ELMO2: variants seen among roughly 807,000 people sequenced by gnomAD.
ELMO2 encodes engulfment and cell motility protein 2.
In ELMO2, 37 loss-of-function variants were observed where a neutral mutation model predicts 96.2. The observed-to-expected ratio is 0.38, with a 90% confidence interval of 0.30 to 0.51. The LOEUF (loss-of-function observed/expected upper bound fraction) is 0.51, where lower values mean the gene tolerates loss of function less well. ELMO2 is among the 20% of genes least tolerant of loss of function. The pLI is 0.88. For missense variants in ELMO2, 561 were observed against 912.6 expected (o/e 0.61, Z 4.96); for synonymous variants, 315 against 329.4 (o/e 0.96, Z 0.47).
At chr20:46,380,581 C>T (rs191222438) in intron 10 of ELMO2, among the ~76,000 whole-genome samples, 21 of 152,310 alleles carry the variant, frequency 1.4e-4, no homozygotes, top group African/African-American at 5.1e-4. Context: ...GAGATGAGGA[C>T]TGCTTGAAGA....
intron 10 of ELMO2, chr20:46,382,309 G>A: frequency 7.8e-7 from 1 of 1,275,320 alleles, no homozygotes; most frequent in Non-Finnish European, 1.0e-6. Flanking sequence ...ATTCAAACAA[G>A]GACCGGGAAG....
intron 4 of ELMO2, 34 bp from the exon 5 acceptor site, chr20:46,393,635 C>T: frequency 6.2e-7 from 1 of 1,606,802 alleles, no homozygotes; most frequent in Non-Finnish European, 8.5e-7. Context: ...TCCCACTTGG[C>T]CACTCTCTTG....
At position 46,394,030 on chromosome 20, in the gene ELMO2, G is replaced by A. The variant is rs762659229; in HGVS notation, c.119+19C>T. 11 of 1,613,950 alleles carry A rather than the reference G, an allele frequency of 6.8e-6. No homozygotes were observed. Among genetic ancestry groups the A allele is most frequent in the Admixed American group, 6.7e-5 (4 of 59,998 alleles). On this transcript the variant is annotated intron_variant, in intron 4 of 21. Transcript: ENST00000290246. ...AGTCGGAGCTGCCACTGTTGAAAACGAGGTCCATTTCAACCTACCCATCAC... is the reference window on the plus strand; with the variant it reads ...AGTCGGAGCTGCCACTGTTGAAAACAAGGTCCATTTCAACCTACCCATCAC...
chr20:46,368,393 C>T (rs2059627196), intron 21 of ELMO2, among the ~76,000 whole-genome samples: 1 of 152,144 alleles, frequency 6.6e-6, no homozygotes, highest in Admixed American at 6.5e-5. Flanking sequence ...AAAGTCCACA[C>T]TGGATCCATT....
At chr20:46,381,116 A>G (rs1458956430) in intron 10 of ELMO2, among the ~76,000 whole-genome samples, 1 of 152,256 alleles carries the variant, frequency 6.6e-6, no homozygotes, top group Admixed American at 6.5e-5. Context: ...TTCATCAAAA[A>G]GAACATCAGT....
chr20:46,386,155 T>C lies in ELMO2; in HGVS notation c.646A>G (p.Thr216Ala), dbSNP rs1296399527. ...AGGTGTGAGATGAGCTGTCCCACGG[T>C]GATTTCCTCGGCTATCTTCTGGTAC... Reference protein sequence around the residue: ...SLYQKIAEEITVGQLISHLQV... With the variant: ...SLYQKIAEEIAVGQLISHLQV... The change falls in exon 9 of 22, where the codon ACC becomes GCC. Residue 216 changes from threonine to alanine, a missense_variant. Thr to Ala is a moderately conservative substitution (Grantham distance 58, BLOSUM62 0). Transcript: ENST00000290246. 1 of 1,614,126 alleles carries C rather than the reference T, an allele frequency of 6.2e-7. No individual in the cohort carries two copies.
intron 7 of ELMO2, among the ~76,000 whole-genome samples, chr20:46,388,822 GTTATT>G (rs2060096348): frequency 6.6e-6 from 1 of 152,068 alleles, no homozygotes. Context: ...GTTTTGTACT[GTTATT>G]TAATTTGTGA....
At chr20:46,383,354 G>A in intron 10 of ELMO2, 62 bp downstream of exon 10, 1 of 1,473,714 alleles carries the variant, frequency 6.8e-7, no homozygotes, top group Non-Finnish European at 9.5e-7. Context: ...AGCAAAGAGT[G>A]CATGGGGTGA....
At chr20:46,373,187 C>T (rs2059765788) in intron 16 of ELMO2, 2 of 584,358 alleles carry the variant, frequency 3.4e-6, no homozygotes. Flanking sequence ...CAAATGAGGG[C>T]CTACGGCACC....
chr20:46,367,757 G>C (rs1568741968), intron 21 of ELMO2, among the ~76,000 whole-genome samples, 197 bp from the exon 22 acceptor site: 1 of 151,966 alleles, frequency 6.6e-6, no homozygotes, highest in Admixed American at 6.6e-5. Flanking sequence ...TTTTATAAGG[G>C]GTTTTATATT....
intron 1 of ELMO2, among the ~76,000 whole-genome samples, chr20:46,406,340 T>C (rs1459048975): frequency 2.0e-5 from 3 of 151,642 alleles, no homozygotes; most frequent in Admixed American, 1.3e-4. Context: ...CGGTCTCTCC[T>C]CCCTTCCTAA....
At chr20:46,377,312 T>C (rs577885047) in intron 11 of ELMO2, among the ~76,000 whole-genome samples, 1 of 152,354 alleles carries the variant, frequency 6.6e-6, no homozygotes, top group East Asian at 1.9e-4. Context: ...GTTTTCGATA[T>C]CATGGGCTGA....
intron 7 of ELMO2, among the ~76,000 whole-genome samples, chr20:46,388,044 T>G (rs1209908439): frequency 6.6e-6 from 1 of 152,232 alleles, no homozygotes; most frequent in Non-Finnish European, 1.5e-5. Flanking sequence ...CTCTTCTCCT[T>G]ATACATTTAA....
intron 16 of ELMO2, among the ~76,000 whole-genome samples, chr20:46,372,346 T>G (rs1173678523): frequency 1.3e-5 from 2 of 152,204 alleles, no homozygotes; most frequent in Non-Finnish European, 2.9e-5. Context: ...GGTGTTGCCA[T>G]AAAGAATATG....
Position 46,400,795 on chromosome 20 carries a change from G to T in ELMO2, c.-125-2024C>A, listed in dbSNP as rs531659134. On this transcript the variant is annotated intron_variant, in intron 1 of 21. Coordinates refer to ENST00000290246, the MANE Select transcript of ELMO2 (RefSeq NM_133171.5). Reference sequence around the variant, plus strand: ...GTGTCTCCAATGGAGCAGTCTCTAAGTGGCTTCTAGAAGGTGTGCTTATAA... The same window carrying T: ...GTGTCTCCAATGGAGCAGTCTCTAATTGGCTTCTAGAAGGTGTGCTTATAA... 2.1e-4 allele frequency among the ~76,000 whole-genome samples: 32 copies of T among 152,366 alleles called. No homozygotes were observed. In the South Asian group the frequency reaches 6.6e-3, roughly 32 times the overall value.
intron 11 of ELMO2, among the ~76,000 whole-genome samples, chr20:46,378,624 G>A (rs1430570551): frequency 3.3e-5 from 5 of 152,194 alleles, no homozygotes; most frequent in African/African-American, 1.2e-4. Flanking sequence ...GGAGAAGCTG[G>A]TTCTGCAAGG....
chr20:46,396,660 C>T, intron 2 of ELMO2, among the ~76,000 whole-genome samples: 1 of 152,154 alleles, frequency 6.6e-6, no homozygotes, highest in East Asian at 1.9e-4. Flanking sequence ...AGTTTGGCTT[C>T]TTCTTATTTT....
At chr20:46,370,645 A>G in intron 19 of ELMO2, 120 bp from the exon 20 acceptor site, 3 of 903,688 alleles carry the variant, frequency 3.3e-6, no homozygotes, top group Non-Finnish European at 5.3e-6. Flanking sequence ...CCAAACTCCA[A>G]GGGCTGCTGT....
At chr20:46,385,748 G>A (rs1174470190) in intron 9 of ELMO2, among the ~76,000 whole-genome samples, 1 of 152,156 alleles carries the variant, frequency 6.6e-6, no homozygotes, top group Non-Finnish European at 1.5e-5. Flanking sequence ...TTTCAAGGGG[G>A]CTCTATGTTC....
Sources: gnomAD v4.1 joint callset for allele counts (sites outside exome capture counted in the v4.1 genomes callset) on GRCh38, gnomAD v4.1.1 for gene constraint, MANE v1.5 for transcripts, NCBI Gene and HGNC (gene_info 2026-07-23, HGNC 2026-07-21) for gene names.